The following MLLT3 variants were observed in gnomAD, a reference collection of about 807,000 sequenced individuals.
MLLT3 encodes MLLT3 super elongation complex subunit.
A neutral mutation model predicts 53.2 loss-of-function variants in MLLT3; 4 were observed. The observed-to-expected ratio is 0.08, with a 90% CI of 0.04 to 0.17. The LOEUF (loss-of-function observed/expected upper bound fraction) is 0.17. Among genes scored for constraint, MLLT3 ranks in the 10% least tolerant of loss-of-function variants. The probability of loss-of-function intolerance (pLI) is 1.00; values close to 1 mark genes in which losing one functional copy is unlikely to be tolerated. For missense variants in MLLT3, 569 were observed against 684.0 expected (o/e 0.83, Z 1.87); for synonymous variants, 283 against 230.6 (o/e 1.23, Z -2.06).
At chr9:20,609,324 A>G (rs1197662028) in intron 2 of MLLT3, among the ~76,000 whole-genome samples, 2 of 152,112 alleles carry the variant, frequency 1.3e-5, no homozygotes, top group Non-Finnish European at 2.9e-5. Context: ...TTAAATAGAA[A>G]ACCCTATTTA....
At chr9:20,369,434 G>GA (rs902449553) in intron 5 of MLLT3, among the ~76,000 whole-genome samples, 2 of 152,214 alleles carry the variant, frequency 1.3e-5, no homozygotes, top group African/African-American at 2.4e-5. Context: ...AGAAAAATTA[G>GA]AAAAAAATTG....
intron 4 of MLLT3, among the ~76,000 whole-genome samples, chr9:20,444,590 G>A (rs762751604): frequency 1.3e-5 from 2 of 151,886 alleles, no homozygotes; most frequent in Non-Finnish European, 2.9e-5. Context: ...GCCTTACAAG[G>A]GGCTGGACGC....
chr9:20,409,660 C>G (rs1481386076), intron 5 of MLLT3, among the ~76,000 whole-genome samples: 5 of 152,276 alleles, frequency 3.3e-5, no homozygotes, highest in African/African-American at 1.2e-4. Flanking sequence ...AAACATTCCC[C>G]TATCATGCTT....
intron 2 of MLLT3, chr9:20,532,812 C>A: frequency 3.7e-6 from 1 of 269,928 alleles, no homozygotes; most frequent in East Asian, 9.3e-5. Flanking sequence ...CACCCAGGCC[C>A]TGGACCATTA....
chr9:20,512,227 T>C lies in MLLT3; in HGVS notation c.194-55441A>G, dbSNP rs1817769842. Among the ~76,000 whole-genome samples, 6 of 152,356 alleles carry C rather than the reference T, an allele frequency of 3.9e-5. No homozygotes were observed. In the South Asian group the frequency reaches 1.2e-3, roughly 32 times the overall value. ...AACAACAGATGTCTCCCTATCTGGC[T>C]CCTGATCTGAAATTCCATTAGCAAT... On this transcript the variant is annotated intron_variant, in intron 2 of 10. Coordinates refer to ENST00000380338, the MANE Select transcript of MLLT3 (RefSeq NM_004529.4).
chr9:20,404,276 T>A (rs564038071), intron 5 of MLLT3, among the ~76,000 whole-genome samples: 1 of 152,328 alleles, frequency 6.6e-6, no homozygotes, highest in East Asian at 1.9e-4. Context: ...ATCACTAGGT[T>A]CCTAGACTGC....
chr9:20,527,980 T>C (rs1042066901), intron 2 of MLLT3, among the ~76,000 whole-genome samples: 1 of 152,266 alleles, frequency 6.6e-6, no homozygotes, highest in African/African-American at 2.4e-5. Context: ...ATAAATGTTA[T>C]GAGAGATTAT....
At chr9:20,363,325 T>C in intron 7 of MLLT3, 151 bp downstream of exon 7, 1 of 825,988 alleles carries the variant, frequency 1.2e-6, no homozygotes, top group South Asian at 1.9e-5. Context: ...GTAAAGTGTG[T>C]GTAGGCATAC....
intron 4 of MLLT3, among the ~76,000 whole-genome samples, chr9:20,442,491 T>C (rs1410268144): frequency 6.6e-6 from 1 of 152,172 alleles, no homozygotes; most frequent in East Asian, 1.9e-4. Flanking sequence ...TATTTACCTA[T>C]TCAAAAAAAT....
chr9:20,459,110 C>T (rs755747648), intron 2 of MLLT3, among the ~76,000 whole-genome samples: 24 of 152,022 alleles, frequency 1.6e-4, no homozygotes, highest in Non-Finnish European at 2.6e-4. Flanking sequence ...GAAACAGAAG[C>T]GCGAGGCATT....
intron 5 of MLLT3, among the ~76,000 whole-genome samples, chr9:20,410,191 T>G (rs1481513444): frequency 6.6e-6 from 1 of 152,062 alleles, no homozygotes; most frequent in Non-Finnish European, 1.5e-5. Flanking sequence ...TACCAAATAT[T>G]GCAGCATATA....
intron 8 of MLLT3, 77 bp downstream of exon 8, chr9:20,360,665 G>A: frequency 8.1e-7 from 1 of 1,232,074 alleles, no homozygotes; most frequent in African/African-American, 1.5e-5. Context: ...ATTCAGGGAT[G>A]AAAGTTTTGC....
intron 2 of MLLT3, among the ~76,000 whole-genome samples, chr9:20,530,086 A>G (rs1488438676): frequency 6.6e-6 from 1 of 152,230 alleles, no homozygotes; most frequent in Non-Finnish European, 1.5e-5. Context: ...GAAAGCCTAT[A>G]CACGTCAACA....
At position 20,432,022 on chromosome 9, in the gene MLLT3, G is replaced by T. The variant is rs188026894; in HGVS notation, c.420+16101C>A. Among the ~76,000 whole-genome samples the T allele has an allele frequency of 1.6e-3, 244 of 152,160 alleles. 1 individual carries two copies. The highest frequency in any genetic ancestry group is 5.6e-3 in the African/African-American group (232 of 41,510). ...GAGAAGGCAAAGGAATCGAGTGAGA[G>T]GCATATACAGATAGTTAGAGTGGTT... On this transcript the variant is annotated intron_variant, in intron 4 of 10. Coordinates refer to ENST00000380338, the MANE Select transcript of MLLT3 (RefSeq NM_004529.4).
intron 5 of MLLT3, among the ~76,000 whole-genome samples, chr9:20,407,243 G>C (rs1156472390): frequency 3.3e-5 from 5 of 152,302 alleles, no homozygotes; most frequent in Admixed American, 3.3e-4. Flanking sequence ...TTGCAGCTCA[G>C]CTCTGTGAAA....
rs1820955423 is a variant in MLLT3 at position 20,620,138 on chromosome 9, C to CA, written c.193+515dup. ...CAACTGGCACCTGGTGCCTCATACA[C>CA]AGACAGGAAAGCACAGAAGACCCTA... is the stretch of plus-strand genomic sequence containing the variant. On this transcript the variant is annotated intron_variant, in intron 2 of 10. Transcript: ENST00000380338. This position sits in a 1 kb window ranked among gnomAD's most constrained non-coding sequence, Gnocchi z 6.1. Among the ~76,000 whole-genome samples the CA allele has an allele frequency of 6.6e-6, 1 of 152,068 alleles. No individual in the cohort carries two copies. The highest frequency in any genetic ancestry group is 6.5e-5 in the Admixed American group (1 of 15,272).
intron 2 of MLLT3, among the ~76,000 whole-genome samples, chr9:20,486,921 G>T (rs1351743973): frequency 2.0e-5 from 3 of 151,946 alleles, no homozygotes; most frequent in South Asian, 2.1e-4. Flanking sequence ...GGGGAATCTG[G>T]GAGGAAATGA....
At chr9:20,503,329 G>T (rs1306153617) in intron 2 of MLLT3, among the ~76,000 whole-genome samples, 1 of 152,110 alleles carries the variant, frequency 6.6e-6, no homozygotes, top group Non-Finnish European at 1.5e-5. Flanking sequence ...ACAGCATGCT[G>T]CTGGTATAAA....
At chr9:20,595,432 A>G (rs1820237661) in intron 2 of MLLT3, among the ~76,000 whole-genome samples, 1 of 152,074 alleles carries the variant, frequency 6.6e-6, no homozygotes, top group South Asian at 2.1e-4. Context: ...TTTATAATTT[A>G]TATTATAATT....
Sources: gnomAD v4.1 joint callset for allele counts (sites outside exome capture counted in the v4.1 genomes callset) on GRCh38, gnomAD v4.1.1 for gene constraint, Gnocchi (gnomAD v3.1) non-coding constraint, MANE v1.5 for transcripts, NCBI Gene and HGNC (gene_info 2026-07-23, HGNC 2026-07-21) for gene names.